CNIH3: variants seen among roughly 807,000 people sequenced by gnomAD.
CNIH3 encodes the protein protein cornichon homolog 3.
In CNIH3, 14 loss-of-function variants were observed where a neutral mutation model predicts 24.1. The ratio of observed to expected loss-of-function variants is 0.58; its 90% confidence interval spans 0.38 to 0.91. CNIH3 has a LOEUF of 0.91. CNIH3 is among the 40% of genes least tolerant of loss of function. The probability of loss-of-function intolerance (pLI) is 0.00; values close to 1 mark genes in which losing one functional copy is unlikely to be tolerated. For synonymous variants in CNIH3, 68 were observed against 73.8 expected (o/e 0.92, Z 0.40); for missense variants, 178 against 196.8 (o/e 0.90, Z 0.57).
At chr1:224,522,179 A>G (rs1428242644) in intron 2 of CNIH3, among the ~76,000 whole-genome samples, 2 of 152,182 alleles carry the variant, frequency 1.3e-5, no homozygotes, top group African/African-American at 4.8e-5. Context: ...TTCCTATGAG[A>G]AAAAGACAAG....
chr1:224,469,546 C>T (rs371127190), intron 1 of CNIH3, among the ~76,000 whole-genome samples: 1 of 152,162 alleles, frequency 6.6e-6, no homozygotes, highest in East Asian at 1.9e-4. Flanking sequence ...CTTGCTCTGT[C>T]ACCCAGACTG....
intron 1 of CNIH3, among the ~76,000 whole-genome samples, chr1:224,518,568 C>T (rs1435788279): frequency 1.3e-5 from 2 of 151,814 alleles, no homozygotes; most frequent in African/African-American, 2.4e-5. Context: ...TGGCCTCAAG[C>T]GATCTCCCAC....
In CNIH3 at chr1:224,631,155, T is replaced by A. The variant is rs533015117; in HGVS notation, c.81+13900T>A. Among the ~76,000 whole-genome samples, 3 of 152,102 alleles carry A rather than the reference T, an allele frequency of 2.0e-5. No individual in the cohort carries two copies. In the East Asian group the frequency reaches 5.8e-4, roughly 29 times the overall value. On this transcript the variant is annotated intron_variant, in intron 1 of 5. Transcript: ENST00000272133. ...TCTATCCTGGGCGACAGAGTGAGAC[T>A]CCACCTCAAACAACAACAACAACAA...
chr1:224,696,052 C>T (rs574220013), intron 3 of CNIH3, among the ~76,000 whole-genome samples: 5 of 152,250 alleles, frequency 3.3e-5, no homozygotes, highest in South Asian at 4.1e-4. Flanking sequence ...CCACTATAAC[C>T]GTGACTGAAA....
chr1:224,678,296 G>A (rs560565433), intron 1 of CNIH3, among the ~76,000 whole-genome samples: 4 of 152,178 alleles, frequency 2.6e-5, no homozygotes, highest in Non-Finnish European at 5.9e-5. Flanking sequence ...TAATTAATTC[G>A]AATTCAGTAT....
intron 1 of CNIH3, among the ~76,000 whole-genome samples, chr1:224,645,271 TGGG>T (rs926057762): frequency 3.3e-5 from 5 of 152,210 alleles, no homozygotes; most frequent in African/African-American, 1.2e-4. Context: ...GTTACTTTCT[TGGG>T]TCTTGCCCTG....
chr1:224,434,688 T>TGCG (rs779741438), exon 1 of CNIH3: 328 of 895,734 alleles, frequency 3.7e-4, no homozygotes, highest in East Asian at 1.7e-3. Flanking sequence ...CGGCAGTGGC[T>TGCG]GCGGCGGCGG....
intron 1 of CNIH3, among the ~76,000 whole-genome samples, chr1:224,496,704 T>G (rs1329051149): frequency 1.3e-5 from 2 of 152,208 alleles, no homozygotes; most frequent in East Asian, 3.8e-4. Context: ...GGAAACAGAC[T>G]CAGTGTGACG....
chr1:224,732,592 G>A lies in CNIH3; in HGVS notation c.312-1971G>A, dbSNP rs116884098. Among the ~76,000 whole-genome samples the A allele has an allele frequency of 6.4e-4, 98 of 152,264 alleles. No homozygotes were observed. In the East Asian group the frequency reaches 0.015, roughly 23 times the overall value. ...CTGAGGTTACACCCCACCTCTGTAC[G>A]AATTCCAGTCTGAGTCCCTGCCACC... On this transcript the variant is annotated intron_variant, in intron 4 of 5. Coordinates refer to ENST00000272133, the MANE Select transcript of CNIH3 (RefSeq NM_152495.2).
At chr1:224,612,204 A>G (rs1316853296), upstream of CNIH3, among the ~76,000 whole-genome samples, 2 of 152,214 alleles carry the variant, frequency 1.3e-5, no homozygotes, top group African/African-American at 2.4e-5. This position sits in a 1 kb window ranked among gnomAD's most constrained non-coding sequence, Gnocchi z 4.7. Flanking sequence ...AAATACAGTA[A>G]CATCTTCTTG....
At chr1:224,567,377 A>T (rs957448470) in intron 4 of CNIH3, among the ~76,000 whole-genome samples, 1 of 152,128 alleles carries the variant, frequency 6.6e-6, no homozygotes, top group Non-Finnish European at 1.5e-5. Flanking sequence ...GTTTAATTAG[A>T]TCCCATTTGT....
rs542230258 is a variant in CNIH3, at chr1:224,464,260, T to A, written n.203+29398T>A. On this transcript the variant is annotated intron_variant and non_coding_transcript_variant, in intron 1 of 5. Coordinates refer to the CNIH3 transcript ENST00000471578. ...CCAGTGTTTTCTTCTAGAAGTTTTATAGTTTTAGGTTATTCATTTAGGTCA... is the reference window on the plus strand; with the variant it reads ...CCAGTGTTTTCTTCTAGAAGTTTTAAAGTTTTAGGTTATTCATTTAGGTCA... Among the ~76,000 whole-genome samples, 6 of 152,284 alleles carry A rather than the reference T, an allele frequency of 3.9e-5. No individual in the cohort carries two copies. In the South Asian group the frequency reaches 1.2e-3, roughly 32 times the overall value.
intron 1 of CNIH3, among the ~76,000 whole-genome samples, chr1:224,438,665 G>A (rs922906228): frequency 2.6e-5 from 4 of 152,090 alleles, no homozygotes; most frequent in Non-Finnish European, 5.9e-5. Flanking sequence ...CACTAAAATT[G>A]TCCAGCTGGA....
At chr1:224,638,832 A>C (rs1684219218) in intron 1 of CNIH3, among the ~76,000 whole-genome samples, 1 of 152,234 alleles carries the variant, frequency 6.6e-6, no homozygotes, top group South Asian at 2.1e-4. Flanking sequence ...AATACTTTAT[A>C]CTTGGTGTCA....
chr1:224,632,609 C>A (rs1008347589), intron 1 of CNIH3, among the ~76,000 whole-genome samples: 1 of 151,836 alleles, frequency 6.6e-6, no homozygotes, highest in Non-Finnish European at 1.5e-5. Context: ...TATGTGAGAG[C>A]GGGGTGGGGT....
At chr1:224,574,804 C>T in intron 4 of CNIH3, 1 of 980,294 alleles carries the variant, frequency 1.0e-6, no homozygotes, top group Non-Finnish European at 1.7e-6. Context: ...GAATTTTTCC[C>T]ATTGGATGAG....
intron 1 of CNIH3, among the ~76,000 whole-genome samples, chr1:224,477,932 A>G (rs1676652835): frequency 6.6e-6 from 1 of 151,978 alleles, no homozygotes; most frequent in Admixed American, 6.6e-5. Context: ...TTTTTTCCAG[A>G]TATACTATTT....
intron 2 of CNIH3, among the ~76,000 whole-genome samples, chr1:224,521,905 G>T (rs1471088760): frequency 6.6e-6 from 1 of 152,128 alleles, no homozygotes; most frequent in East Asian, 1.9e-4. Context: ...TGACAGGAAT[G>T]GTACCTAGCA....
chr1:224,601,400 C>A (rs1682203078), intron 3 of CNIH3, among the ~76,000 whole-genome samples: 1 of 152,134 alleles, frequency 6.6e-6, no homozygotes. Context: ...GCCATTTTGC[C>A]GCTTAGTGCA....
Sources: allele counts gnomAD v4.1 joint callset (sites outside exome capture counted in the v4.1 genomes callset), GRCh38; gene constraint gnomAD v4.1.1; non-coding constraint Gnocchi (gnomAD v3.1); transcripts MANE v1.5; gene names NCBI Gene and HGNC (gene_info 2026-07-23, HGNC 2026-07-21).